The following SRC variants were observed in gnomAD, a reference collection of about 807,000 sequenced individuals.
SRC encodes the protein proto-oncogene tyrosine-protein kinase Src.
Under a neutral mutation model 62.9 loss-of-function variants are expected in SRC, and 13 were observed. The observed-to-expected ratio is 0.21, with a 90% CI of 0.13 to 0.33. The LOEUF (loss-of-function observed/expected upper bound fraction) is 0.33. Ranked by LOEUF, SRC falls within the 10% of genes least tolerant of loss-of-function variation. The pLI is 1.00. For missense variants in SRC, 457 were observed against 737.3 expected, an observed-to-expected ratio of 0.62 and a Z score of 4.40; for synonymous variants, 302 against 317.5, an observed-to-expected ratio of 0.95 and a Z score of 0.52.
intron 2 of SRC, among the ~76,000 whole-genome samples, chr20:37,366,850 A>G (rs187167679): frequency 2.6e-5 from 4 of 152,272 alleles, no homozygotes; most frequent in Admixed American, 2.6e-4. Flanking sequence ...AAGTTTTTGT[A>G]TAGACATATG....
chr20:37,362,132 G>T (rs917182491), intron 1 of SRC, among the ~76,000 whole-genome samples: 4 of 151,872 alleles, frequency 2.6e-5, no homozygotes, highest in African/African-American at 9.7e-5. Flanking sequence ...ATAGCTCACT[G>T]CAGCCTCAAA....
At chr20:37,395,171 G>A (rs919879277) in intron 7 of SRC, among the ~76,000 whole-genome samples, 6 of 152,232 alleles carry the variant, frequency 3.9e-5, no homozygotes, top group Non-Finnish European at 7.3e-5. Context: ...TTGAGTCCCC[G>A]GATGTGGGTT....
intron 1 of SRC, among the ~76,000 whole-genome samples, chr20:37,352,521 G>A (rs1198702768): frequency 6.6e-6 from 1 of 152,196 alleles, no homozygotes; most frequent in Non-Finnish European, 1.5e-5. Flanking sequence ...GCCCTTGCCT[G>A]CCTGTGACCT....
At chr20:37,375,061 G>T (rs1014119062) in intron 2 of SRC, among the ~76,000 whole-genome samples, 5 of 151,682 alleles carry the variant, frequency 3.3e-5, no homozygotes, top group African/African-American at 1.2e-4. Context: ...CTCTCGAGTA[G>T]CTGGGATTAC....
chr20:37,360,218 C>CTCT (rs1273945378), intron 1 of SRC, among the ~76,000 whole-genome samples: 2 of 105,634 alleles, frequency 1.9e-5, no homozygotes, highest in African/African-American at 9.6e-5. Context: ...CTCTCTCTCT[C>CTCT]TTTTTTTTTT....
chr20:37,349,878 G>T (rs1315047522), intron 1 of SRC, among the ~76,000 whole-genome samples: 3 of 152,258 alleles, frequency 2.0e-5, no homozygotes, highest in Non-Finnish European at 4.4e-5. Context: ...CTTCTTCGAA[G>T]CCTGCCTTCG....
At chr20:37,373,738 C>A (rs1395044307) in intron 2 of SRC, among the ~76,000 whole-genome samples, 1 of 152,342 alleles carries the variant, frequency 6.6e-6, no homozygotes, top group East Asian at 1.9e-4. Context: ...TTGGTCCTAG[C>A]TCCATCTTAA....
chr20:37,365,179 A>G (rs2070041740), intron 1 of SRC, 25 bp from the exon 2 acceptor site: 1 of 152,156 alleles, frequency 6.6e-6, no homozygotes, highest in African/African-American at 2.4e-5. Flanking sequence ...GGTGGATATT[A>G]ATCCTATTGT....
intron 1 of SRC, among the ~76,000 whole-genome samples, chr20:37,349,728 G>A (rs2069774390): frequency 6.6e-6 from 1 of 152,210 alleles, no homozygotes; most frequent in Non-Finnish European, 1.5e-5. Flanking sequence ...TTGGGGCAGG[G>A]CTGGCTCGGG....
intron 2 of SRC, among the ~76,000 whole-genome samples, chr20:37,367,084 T>C (rs1049390937): frequency 6.6e-6 from 1 of 150,934 alleles, no homozygotes; most frequent in African/African-American, 2.5e-5. Flanking sequence ...TGGCATCTCA[T>C]TGTGGTTTTG....
intron 1 of SRC, among the ~76,000 whole-genome samples, chr20:37,363,964 G>A (rs1031904543): frequency 6.6e-6 from 1 of 152,046 alleles, no homozygotes; most frequent in Non-Finnish European, 1.5e-5. Context: ...GGGAGAGGAT[G>A]GCTGCTAATG....
chr20:37,387,577 C>T (rs1040920756), intron 5 of SRC, among the ~76,000 whole-genome samples: 4 of 152,182 alleles, frequency 2.6e-5, no homozygotes, highest in South Asian at 2.1e-4. Flanking sequence ...GGGGCTCTCC[C>T]GGCTCCGCCT....
intron 5 of SRC, chr20:37,386,448 G>A: frequency 2.8e-6 from 2 of 716,606 alleles, no homozygotes; most frequent in Non-Finnish European, 2.6e-6. Context: ...CTTCTCTCTC[G>A]CTGGCCCTTA....
intron 1 of SRC, among the ~76,000 whole-genome samples, chr20:37,352,707 G>A (rs994946168): frequency 6.6e-5 from 10 of 152,192 alleles, no homozygotes; most frequent in African/African-American, 9.7e-5. Flanking sequence ...AGAGAGAGGC[G>A]GGGATGGGCT....
At chr20:37,353,869 C>T (rs1022559481) in intron 1 of SRC, among the ~76,000 whole-genome samples, 1 of 152,234 alleles carries the variant, frequency 6.6e-6, no homozygotes, top group African/African-American at 2.4e-5. Flanking sequence ...CCCCCAACTG[C>T]TGTCACCCAC....
chr20:37,384,475 C>A lies in SRC; in HGVS notation c.250+72C>A. 20 of 1,224,308 alleles carry A rather than the reference C, an allele frequency of 1.6e-5. No homozygotes were observed. The highest frequency in any genetic ancestry group is 2.0e-5 in the Non-Finnish European group (20 of 984,292). The allele number at this position is 1,224,308 out of a possible 1,614,324, so 75.8% of individuals were successfully genotyped here. A position where few individuals can be genotyped will look rare whatever the true frequency, so the allele number is the denominator to read the frequency against. On this transcript the variant is annotated intron_variant, in intron 4 of 13. Coordinates refer to ENST00000373578, the MANE Select transcript of SRC (RefSeq NM_198291.3). This position sits in a 1 kb window ranked among gnomAD's most constrained non-coding sequence, Gnocchi z 6.7. ...CGGGGAGGCGGCGGGGCTGTGTGCCCGGGGTCGCCCCCTCTGCGCAGGCCC... is the reference window on the plus strand; with the variant it reads ...CGGGGAGGCGGCGGGGCTGTGTGCCAGGGGTCGCCCCCTCTGCGCAGGCCC...
chr20:37,370,267 C>G (rs183953795), intron 2 of SRC, among the ~76,000 whole-genome samples: 3 of 152,152 alleles, frequency 2.0e-5, no homozygotes. Context: ...TCACATTAAT[C>G]GATTTTCAGA....
intron 1 of SRC, among the ~76,000 whole-genome samples, chr20:37,354,240 G>C (rs771964082): frequency 6.6e-6 from 1 of 152,178 alleles, no homozygotes; most frequent in Non-Finnish European, 1.5e-5. Context: ...CTCAATCAAG[G>C]TCCTAATTTC....
At position 37,396,616 on chromosome 20, in the gene SRC, G is replaced by A. The variant is rs888915298; in HGVS notation, c.703+305G>A. ...GGGGGCTGCCCTGAGGAGCCCCAGA[G>A]TAAGCTGGAAGGGAGGGGACAGAGG... On this transcript the variant is annotated intron_variant, in intron 8 of 13. Transcript: ENST00000373578. This position sits in a 1 kb window ranked among gnomAD's most constrained non-coding sequence, Gnocchi z 6.1. The A allele has an allele frequency of 8.2e-5, 36 of 438,090 alleles. No individual in the cohort carries two copies. Among genetic ancestry groups the A allele is most frequent in the African/African-American group, 6.7e-4 (34 of 50,602 alleles). The allele number at this position is 438,090 out of a possible 1,614,324, so 27.1% of individuals were successfully genotyped here.
Sources: allele counts gnomAD v4.1 joint callset (sites outside exome capture counted in the v4.1 genomes callset), GRCh38; gene constraint gnomAD v4.1.1; non-coding constraint Gnocchi (gnomAD v3.1); transcripts MANE v1.5; gene names NCBI Gene and HGNC (gene_info 2026-07-23, HGNC 2026-07-21).